The following ZFP30 variants were observed in gnomAD, a reference collection of about 807,000 sequenced individuals.
The protein encoded by ZFP30 is ZFP30 zinc finger protein, also known as zinc finger protein 30 homolog.
Under a neutral mutation model 12.3 loss-of-function variants are expected in ZFP30, and 16 were observed. That is an observed-to-expected ratio of 1.30 (90% CI 0.88 to 1.98). The LOEUF (loss-of-function observed/expected upper bound fraction) is 1.98. Among genes scored for constraint, ZFP30 ranks in the 30% most tolerant of loss-of-function variants. ZFP30 has a pLI of 0.00. For missense variants in ZFP30, 560 were observed against 611.2 expected, an observed-to-expected ratio of 0.92 and a Z score of 0.88; for synonymous variants, 172 against 201.0, an observed-to-expected ratio of 0.86 and a Z score of 1.22.
At chr19:37,652,499 C>T (rs2972454) in intron 2 of ZFP30, among the ~76,000 whole-genome samples, 23,835 of 151,944 alleles carry the variant, frequency 0.16, 2,184 homozygotes, top group Non-Finnish European at 0.21. Context: ...ACCCGGGAGG[C>T]GGAGGTTGCA....
At chr19:37,644,537 A>AAAAAAG in intron 4 of ZFP30, 73 bp downstream of exon 4, 5 of 1,360,452 alleles carry the variant, frequency 3.7e-6, no homozygotes, top group Non-Finnish European at 4.7e-6. Flanking sequence ...CGTCTTTGGA[A>AAAAAAG]AAAAACAAAG....
In ZFP30 at chr19:37,633,830, CTCA is replaced by C. The variant is rs1189063101; in HGVS notation, c.*1148_*1150del. 1.3e-5 allele frequency: 2 copies of C among 152,120 alleles called. No individual in the cohort carries two copies. The highest frequency in any genetic ancestry group is 2.4e-5 in the African/African-American group (1 of 41,438). 9.4% of individuals were successfully genotyped at this position (152,120 alleles called of 1,614,324 possible). On this transcript the variant is annotated 3_prime_UTR_variant, in exon 6 of 6. Coordinates refer to ENST00000684514, the MANE Select transcript of ZFP30 (RefSeq NM_001320669.3). ...CATTTTGCCAAACTTGTTATTCATC[CTCA>C]TTTTTCTTTTGTATGAACAAAAGGA...
In ZFP30 at chr19:37,635,945, GCA is replaced by G. The variant is rs748701164; in HGVS notation, c.594_595del (p.Ala199ProfsTer12). 6.2e-7 allele frequency: 1 copy of G among 1,614,086 alleles called. No homozygotes were observed. Among genetic ancestry groups the G allele is most frequent in the South Asian group, 1.1e-5 (1 of 91,074 alleles). On this transcript the variant is annotated frameshift_variant, in exon 6 of 6. Transcript: ENST00000684514. LOFTEE classifies it low-confidence loss of function (END_TRUNC). ...AATTCTCTGATGTCGACTGAGGTGG[GCA>G]CACTGTCTAAAGGCTTTTCCACATT... is the stretch of plus-strand genomic sequence containing the variant.
chr19:37,637,656 A>G lies in ZFP30; in HGVS notation c.236-1351T>C, dbSNP rs567626270. ...AAGTGCCCGCCACCACACCTGGCTA[A>G]TTTTTGTATTTTTAGTAGAGACAGT... On this transcript the variant is annotated intron_variant, in intron 5 of 5. Transcript: ENST00000684514. 1.3e-5 allele frequency among the ~76,000 whole-genome samples: 2 copies of G among 151,758 alleles called. 1 individual carries two copies. Among genetic ancestry groups the G allele is most frequent in the South Asian group, 4.2e-4 (2 of 4,788 alleles).
At position 37,647,988 on chromosome 19, in the gene ZFP30, T is replaced by C. The variant is rs2044575935; in HGVS notation, c.-77-89A>G. On this transcript the variant is annotated intron_variant, in intron 2 of 5. Transcript: ENST00000684514. Reference sequence around the variant, plus strand: ...CTGGTACTACTTCTCCATTCCTATATGCAACTCCCACCCCCAACACACAGA... The same window carrying C: ...CTGGTACTACTTCTCCATTCCTATACGCAACTCCCACCCCCAACACACAGA... The C allele has an allele frequency of 1.3e-5, 9 of 668,814 alleles. No homozygotes were observed. In the South Asian group the frequency reaches 1.4e-4, roughly 10 times the overall value. The allele number at this position is 668,814 out of a possible 1,614,324, so 41.4% of individuals were successfully genotyped here.
rs1327118290 is a variant in ZFP30 at position 37,634,818 on chromosome 19, A to C, written c.*163T>G. On this transcript the variant is annotated 3_prime_UTR_variant, in exon 6 of 6. Coordinates refer to ENST00000684514, the MANE Select transcript of ZFP30 (RefSeq NM_001320669.3). The stretch of plus-strand genomic sequence containing the variant: ...TTAACATGGTTTCAAAGGTGATGAA[A>C]GGCTTCTATATGTTCATTAACATAT... 1.4e-6 allele frequency: 1 copy of C among 728,056 alleles called. No homozygotes were observed. The highest frequency in any genetic ancestry group is 1.8e-5 in the African/African-American group (1 of 54,656). The allele number at this position is 728,056 out of a possible 1,614,324, so 45.1% of individuals were successfully genotyped here. A position where few individuals can be genotyped will look rare whatever the true frequency, so the allele number is the denominator to read the frequency against.
At chr19:37,638,166 A>G (rs968039952) in intron 5 of ZFP30, among the ~76,000 whole-genome samples, 16 of 152,186 alleles carry the variant, frequency 1.1e-4, no homozygotes, top group Non-Finnish European at 1.5e-5. Flanking sequence ...AGATACCTCC[A>G]CTGCAGTTCA....
intron 3 of ZFP30, among the ~76,000 whole-genome samples, chr19:37,647,590 G>A (rs1337965012): frequency 6.6e-6 from 1 of 152,110 alleles, no homozygotes; most frequent in African/African-American, 2.4e-5. Flanking sequence ...CCAGTCTCAG[G>A]AATGTCTTTA....
chr19:37,636,236 T>G lies in ZFP30; in HGVS notation c.305A>C (p.Gln102Pro), dbSNP rs2044323831. Reference sequence around the variant, plus strand: ...TTTAATTCTTTCCATTACCTTCCACTGAGATAAGTTCATTTCATAAATATC... The same window carrying G: ...TTTAATTCTTTCCATTACCTTCCACGGAGATAAGTTCATTTCATAAATATC... ...GKDIYEMNLS[Q>P]WKVMERIKSC... Residue 102 changes from glutamine (Q) to proline (P), a missense_variant, in exon 6 of 6, where the codon CAG becomes CCG. Transcript: ENST00000684514. The G allele has an allele frequency of 2.5e-6, 4 of 1,613,268 alleles. No individual in the cohort carries two copies. The highest frequency in any genetic ancestry group is 3.4e-6 in the Non-Finnish European group (4 of 1,179,758).
intron 3 of ZFP30, among the ~76,000 whole-genome samples, chr19:37,645,782 AT>A: frequency 6.6e-6 from 1 of 151,920 alleles, no homozygotes; most frequent in Non-Finnish European, 1.5e-5. Flanking sequence ...AATTGATGGT[AT>A]TCTCCCCAAA....
chr19:37,646,374 A>G (rs1298735945), intron 3 of ZFP30, among the ~76,000 whole-genome samples: 3 of 152,168 alleles, frequency 2.0e-5, no homozygotes, highest in African/African-American at 7.2e-5. Flanking sequence ...TACAAAAAAT[A>G]TCTAAAGCTG....
chr19:37,650,106 C>A (rs2044619784), intron 2 of ZFP30, among the ~76,000 whole-genome samples: 1 of 151,460 alleles, frequency 6.6e-6, no homozygotes, highest in African/African-American at 2.4e-5. Flanking sequence ...TTTATTTGTT[C>A]TTCCCTGGAA....
At chr19:37,642,037 G>A (rs115508883) in intron 5 of ZFP30, among the ~76,000 whole-genome samples, 1,564 of 152,210 alleles carry the variant, frequency 0.01, 27 homozygotes, top group African/African-American at 0.036. Context: ...AGGTGATATC[G>A]TGCTCTTTCA....
At chr19:37,653,060 T>C (rs560252707) in intron 2 of ZFP30, among the ~76,000 whole-genome samples, 2 of 146,404 alleles carry the variant, frequency 1.4e-5, no homozygotes, top group Non-Finnish European at 3.0e-5. Flanking sequence ...GCGGTTGCAG[T>C]GAACTGAGAT....
At chr19:37,645,507 A>G (rs181921302) in intron 3 of ZFP30, among the ~76,000 whole-genome samples, 6 of 150,566 alleles carry the variant, frequency 4.0e-5, no homozygotes, top group African/African-American at 1.2e-4. Context: ...ATTAGCTTGC[A>G]GGCTGTTCCA....
At position 37,636,292 on chromosome 19, in the gene ZFP30, T is replaced by A. The variant is rs1330348664; in HGVS notation, c.249A>T (p.Arg83Ser). 2 of 1,581,882 alleles carry A rather than the reference T, an allele frequency of 1.3e-6. No individual in the cohort carries two copies. The highest frequency in any genetic ancestry group is 2.7e-5 in the African/African-American group (2 of 72,936). ...CTTGAAATAACTTTTTAGTGTCATATCTGGATTCCAAATCTGAAAGAAAAC... is the reference window on the plus strand; with the variant it reads ...CTTGAAATAACTTTTTAGTGTCATAACTGGATTCCAAATCTGAAAGAAAAC... ...KRRWTLDLES[R>S]YDTKKLFQGK... The change falls in exon 6 of 6, where the codon AGA becomes AGT. Residue 83 changes from arginine (R) to serine (S), a missense_variant. Coordinates refer to ENST00000684514, the MANE Select transcript of ZFP30 (RefSeq NM_001320669.3).
intron 4 of ZFP30, among the ~76,000 whole-genome samples, chr19:37,643,642 C>T (rs1256193916): frequency 6.6e-6 from 1 of 152,162 alleles, no homozygotes; most frequent in Non-Finnish European, 1.5e-5. Flanking sequence ...TCATTTTTCT[C>T]AGACGTGAAA....
chr19:37,637,347 G>A (rs1166018683), intron 5 of ZFP30, among the ~76,000 whole-genome samples: 2 of 151,304 alleles, frequency 1.3e-5, no homozygotes, highest in African/African-American at 4.9e-5. Context: ...TAGGATTACA[G>A]GCATGTGCCA....
At chr19:37,655,350 C>T (rs2044734216) in intron 1 of ZFP30, 70 bp downstream of exon 1, 1 of 152,574 alleles carries the variant, frequency 6.6e-6, no homozygotes, top group African/African-American at 2.4e-5. Context: ...AAAACCTGGC[C>T]CACTCCGCGC....
Sources: allele counts gnomAD v4.1 joint callset (sites outside exome capture counted in the v4.1 genomes callset), GRCh38; gene constraint gnomAD v4.1.1; transcripts MANE v1.5; gene names NCBI Gene and HGNC (gene_info 2026-07-23, HGNC 2026-07-21).